The following JADE1 variants were observed in gnomAD, a reference collection of about 807,000 sequenced individuals.
The protein encoded by JADE1 is jade family PHD finger 1, also known as protein Jade-1.
In JADE1, 14 loss-of-function variants were observed where a neutral mutation model predicts 81.8. The ratio of observed to expected loss-of-function variants is 0.17; its 90% CI spans 0.11 to 0.27. The LOEUF (loss-of-function observed/expected upper bound fraction) is 0.27, where lower values mean the gene tolerates loss of function less well. Among genes scored for constraint, JADE1 ranks in the 10% least tolerant of loss-of-function variants. The probability of loss-of-function intolerance (pLI) is 1.00; values close to 1 mark genes in which losing one functional copy is unlikely to be tolerated. For synonymous variants in JADE1, 353 were observed against 391.9 expected, an observed-to-expected ratio of 0.90 and a Z score of 1.17; for missense variants, 690 against 1,047.9, an observed-to-expected ratio of 0.66 and a Z score of 4.71.
intron 8 of JADE1, among the ~76,000 whole-genome samples, chr4:128,857,912 G>A (rs1053052467): frequency 6.6e-6 from 1 of 152,162 alleles, no homozygotes; most frequent in African/African-American, 2.4e-5. Flanking sequence ...TTTCCATGGT[G>A]TGCGCACATC....
At chr4:128,849,645 C>T (rs1449210320) in intron 5 of JADE1, among the ~76,000 whole-genome samples, 1 of 152,216 alleles carries the variant, frequency 6.6e-6, no homozygotes, top group Non-Finnish European at 1.5e-5. Flanking sequence ...TTATGTCATG[C>T]TGCAAACCTG....
chr4:128,859,189 T>C (rs1731062739), intron 8 of JADE1, among the ~76,000 whole-genome samples: 1 of 151,490 alleles, frequency 6.6e-6, no homozygotes, highest in African/African-American at 2.4e-5. Context: ...TGTGTATGCA[T>C]GTGTGAGTGT....
intron 1 of JADE1, among the ~76,000 whole-genome samples, chr4:128,814,322 C>A (rs1042125434): frequency 6.6e-6 from 1 of 152,128 alleles, no homozygotes; most frequent in Non-Finnish European, 1.5e-5. Flanking sequence ...ATTTCCATTG[C>A]GTCTTACGTA....
chr4:128,825,445 C>T (rs903792654), intron 1 of JADE1, among the ~76,000 whole-genome samples: 11 of 152,196 alleles, frequency 7.2e-5, no homozygotes, highest in South Asian at 2.1e-4. Context: ...TGAACTTGTT[C>T]GCTCAAATTC....
Position 128,858,749 on chromosome 4 carries a change from C to T in JADE1, c.981+1295C>T, listed in dbSNP as rs190735606. On this transcript the variant is annotated intron_variant, in intron 8 of 10. Coordinates refer to ENST00000226319, the MANE Select transcript of JADE1 (RefSeq NM_199320.4). ...TCCTAAGTAGCTAGGATTACAGGCGCGCACCAGCAAGCCCGGCTAATTCTC... is the reference window on the plus strand; with the variant it reads ...TCCTAAGTAGCTAGGATTACAGGCGTGCACCAGCAAGCCCGGCTAATTCTC... 4.5e-4 allele frequency among the ~76,000 whole-genome samples: 68 copies of T among 151,946 alleles called. 1 individual carries two copies. Among genetic ancestry groups the T allele is most frequent in the African/African-American group, 1.5e-3 (61 of 41,458 alleles).
intron 1 of JADE1, among the ~76,000 whole-genome samples, chr4:128,828,833 TA>T (rs1446471302): frequency 2.0e-5 from 3 of 152,322 alleles, no homozygotes; most frequent in Non-Finnish European, 4.4e-5. Flanking sequence ...TTTATAGAGA[TA>T]GGGGTCTCCC....
At chr4:128,843,198 G>A (rs552176466) in intron 3 of JADE1, among the ~76,000 whole-genome samples, 160 bp downstream of exon 3, 1 of 152,344 alleles carries the variant, frequency 6.6e-6, no homozygotes, top group African/African-American at 2.4e-5. Context: ...CTACCTCATA[G>A]GATTGTTGTG....
rs141306343 is a variant in JADE1, at chr4:128,870,699, C to T, written c.1622-656C>T. Among the ~76,000 whole-genome samples, 233 of 152,272 alleles carry T rather than the reference C, an allele frequency of 1.5e-3. 1 individual carries two copies. Among genetic ancestry groups the T allele is most frequent in the African/African-American group, 5.0e-3 (207 of 41,542 alleles). ...TCACTGTGATTTGCATCAAAAAATA[C>T]GAAAAACATCAATTTAACTTACTTC... On this transcript the variant is annotated intron_variant, in intron 10 of 10. Coordinates refer to ENST00000226319, the MANE Select transcript of JADE1 (RefSeq NM_199320.4).
At chr4:128,824,194 G>A (rs1312976273) in intron 1 of JADE1, among the ~76,000 whole-genome samples, 2 of 152,066 alleles carry the variant, frequency 1.3e-5, no homozygotes, top group Non-Finnish European at 2.9e-5. Context: ...CGAGGCGGGC[G>A]GATCATGAGG....
intron 5 of JADE1, 84 bp from the exon 6 acceptor site, chr4:128,851,973 T>G: frequency 1.2e-6 from 1 of 812,184 alleles, no homozygotes; most frequent in East Asian, 2.7e-5. Context: ...ACATTATTTT[T>G]AAGTATAAAT....
At chr4:128,852,815 C>T (rs1213994954) in intron 6 of JADE1, among the ~76,000 whole-genome samples, 2 of 152,206 alleles carry the variant, frequency 1.3e-5, no homozygotes, top group East Asian at 1.9e-4. Flanking sequence ...CTTGCCTCTT[C>T]GTAGCTTATG....
intron 1 of JADE1, among the ~76,000 whole-genome samples, chr4:128,819,154 T>A (rs1727319099): frequency 6.6e-6 from 1 of 152,176 alleles, no homozygotes. Flanking sequence ...GTGGCTGAGC[T>A]CCCTTCTAGG....
At chr4:128,827,778 C>A in intron 1 of JADE1, 1 of 657,656 alleles carries the variant, frequency 1.5e-6, no homozygotes, top group Non-Finnish European at 1.9e-6. Context: ...AGGGCAAACC[C>A]ACAGGGCATA....
intron 9 of JADE1, chr4:128,863,715 A>G: frequency 1.0e-6 from 1 of 985,356 alleles, no homozygotes; most frequent in Non-Finnish European, 1.2e-6. Flanking sequence ...AACTACATGT[A>G]TGTGTGGCAT....
At chr4:128,848,299 C>A (rs1211088041) in intron 4 of JADE1, among the ~76,000 whole-genome samples, 1 of 152,214 alleles carries the variant, frequency 6.6e-6, no homozygotes, top group Admixed American at 6.5e-5. Flanking sequence ...CTGCCCCAGC[C>A]TCCCGAGTAG....
intron 1 of JADE1, among the ~76,000 whole-genome samples, chr4:128,823,497 A>AT (rs1283476864): frequency 3.3e-5 from 5 of 152,038 alleles, no homozygotes; most frequent in Admixed American, 6.6e-5. Context: ...AGTTATCATA[A>AT]TTTTTTTTCT....
chr4:128,834,183 C>T (rs1293724411), intron 2 of JADE1, among the ~76,000 whole-genome samples: 4 of 152,096 alleles, frequency 2.6e-5, no homozygotes, highest in Non-Finnish European at 5.9e-5. Flanking sequence ...CCACAGCCCC[C>T]GGTAGTTTAA....
chr4:128,835,889 C>T (rs542002092), intron 2 of JADE1, among the ~76,000 whole-genome samples: 1 of 152,368 alleles, frequency 6.6e-6, no homozygotes, highest in East Asian at 1.9e-4. Flanking sequence ...CAGGCATTTT[C>T]TGTGCCAGGT....
intron 1 of JADE1, among the ~76,000 whole-genome samples, chr4:128,830,944 T>C (rs927677273): frequency 6.6e-6 from 1 of 152,212 alleles, no homozygotes; most frequent in Non-Finnish European, 1.5e-5. Flanking sequence ...GCTGGGTCTT[T>C]GTACAAACTG....
Sources: gnomAD v4.1 joint callset for allele counts (sites outside exome capture counted in the v4.1 genomes callset) on GRCh38, gnomAD v4.1.1 for gene constraint, MANE v1.5 for transcripts, NCBI Gene and HGNC (gene_info 2026-07-23, HGNC 2026-07-21) for gene names.